CLDN2: variants seen among roughly 807,000 people sequenced by gnomAD.
CLDN2 encodes the protein claudin-2.
In CLDN2, 1 loss-of-function variant was observed where a neutral mutation model predicts 8.2. The ratio of observed to expected loss-of-function variants is 0.12; its 90% CI spans 0.04 to 0.58. The LOEUF is 0.58. CLDN2 is among the 20% of genes least tolerant of loss of function. CLDN2 has a pLI of 0.90. For missense variants in CLDN2, 108 were observed against 172.9 expected, an observed-to-expected ratio of 0.62 and a Z score of 2.11; for synonymous variants, 70 against 70.2, an observed-to-expected ratio of 1.00 and a Z score of 0.01.
chrX:106,916,637 T>C (rs1569287854), upstream of CLDN2, among the ~76,000 whole-genome samples: 1 of 111,384 alleles, frequency 9.0e-6, no homozygotes, highest in Non-Finnish European at 1.9e-5. Context: ...TCTGATACAA[T>C]GAGGGTCAGA....
At chrX:106,917,016 A>G (rs1237843511), upstream of CLDN2, among the ~76,000 whole-genome samples, 2 of 112,320 alleles carry the variant, frequency 1.8e-5, no homozygotes, top group East Asian at 5.6e-4. Flanking sequence ...TGCCACTTGC[A>G]TTCCAGTCCA....
intron 1 of CLDN2, chrX:106,900,944 G>A: frequency 1.7e-6 from 2 of 1,194,237 alleles, no homozygotes; most frequent in South Asian, 3.8e-5. Context: ...CCTAACAGGT[G>A]TCATATGTGC....
chrX:106,906,256 G>A (rs1344577104), intron 1 of CLDN2, among the ~76,000 whole-genome samples: 1 of 111,494 alleles, frequency 9.0e-6, no homozygotes, highest in Non-Finnish European at 1.9e-5. Context: ...GCCAGTGATT[G>A]CTTTTCCAGA....
chrX:106,928,582 G>C lies in CLDN2; in HGVS notation c.354G>C (p.Ala118=). The part of the protein sequence containing the change: ...CQESRAKDRV[A]VAGGVFFILG... The stretch of plus-strand genomic sequence containing the variant: ...AATCCCGAGCCAAAGACAGAGTGGC[G>C]GTAGCAGGTGGAGTCTTTTTCATCC... The change falls in exon 2 of 2, where the codon GCG becomes GCC. Residue 118 remains alanine, a synonymous_variant. Transcript: ENST00000336803. The C allele has an allele frequency of 8.3e-7, 1 of 1,211,311 alleles. No individual in the cohort carries two copies. The highest frequency in any genetic ancestry group is 3.0e-5 in the East Asian group (1 of 33,831).
intron 1 of CLDN2, among the ~76,000 whole-genome samples, chrX:106,912,498 C>T (rs1317412681): frequency 9.7e-6 from 1 of 102,676 alleles, no homozygotes; most frequent in East Asian, 3.1e-4. Flanking sequence ...ACTGCAGCCT[C>T]GATCTCTCAG....
At chrX:106,925,793 A>T (rs2147794584) in intron 1 of CLDN2, among the ~76,000 whole-genome samples, 1 of 112,288 alleles carries the variant, frequency 8.9e-6, no homozygotes, top group South Asian at 3.7e-4. Context: ...GATCACTTGC[A>T]GTCAGGAGTT....
At chrX:106,926,145 G>A (rs1933462612) in intron 1 of CLDN2, among the ~76,000 whole-genome samples, 1 of 112,253 alleles carries the variant, frequency 8.9e-6, no homozygotes, top group Non-Finnish European at 1.9e-5. Flanking sequence ...TAGAAGAAAG[G>A]TGCTAAAGAT....
upstream of CLDN2, among the ~76,000 whole-genome samples, chrX:106,916,406 G>A (rs1457040627): frequency 2.7e-5 from 3 of 111,059 alleles, no homozygotes; most frequent in Admixed American, 2.9e-4. Flanking sequence ...TCGGGAGAGT[G>A]GGGAGTGAGG....
At chrX:106,911,465 C>T (rs192665941) in intron 1 of CLDN2, among the ~76,000 whole-genome samples, 65 of 111,218 alleles carry the variant, frequency 5.8e-4, no homozygotes, top group Non-Finnish European at 8.5e-4. Flanking sequence ...TACAGTGTCC[C>T]TGCACATGAC....
At chrX:106,919,824 G>A (rs1426850012), upstream of CLDN2, among the ~76,000 whole-genome samples, 1 of 112,575 alleles carries the variant, frequency 8.9e-6, no homozygotes, top group Non-Finnish European at 1.9e-5. Flanking sequence ...ATAGTGCATG[G>A]CACTGCCATG....
intron 1 of CLDN2, chrX:106,901,633 C>T (rs1326500711): frequency 1.1e-6 from 1 of 892,091 alleles, no homozygotes; most frequent in Non-Finnish European, 1.6e-6. Context: ...GTAAAATGAT[C>T]TTGAAGAGAC....
At chrX:106,900,646 C>T (rs1476347873) in intron 1 of CLDN2, 2 of 1,076,896 alleles carry the variant, frequency 1.9e-6, no homozygotes, top group East Asian at 3.4e-5. Flanking sequence ...TGGCTGCCTC[C>T]ATTTGGATAG....
intron 1 of CLDN2, among the ~76,000 whole-genome samples, chrX:106,910,132 C>T (rs1481840083): frequency 1.8e-5 from 2 of 110,493 alleles, no homozygotes; most frequent in Non-Finnish European, 3.8e-5. Flanking sequence ...GAAGATGAAG[C>T]GATGCTGAAT....
intron 1 of CLDN2, among the ~76,000 whole-genome samples, chrX:106,908,589 G>GT (rs981798112): frequency 3.1e-4 from 24 of 76,922 alleles, no homozygotes; most frequent in East Asian, 3.1e-3. Flanking sequence ...TTTTGTTGTT[G>GT]TTTTTTTTGT....
intron 1 of CLDN2, chrX:106,900,694 A>G: frequency 8.6e-7 from 1 of 1,160,558 alleles, no homozygotes; most frequent in Non-Finnish European, 1.2e-6. Context: ...GTGGCGCTGT[A>G]GGGTATGGAC....
upstream of CLDN2, among the ~76,000 whole-genome samples, chrX:106,916,185 T>G (rs938426209): frequency 9.1e-6 from 1 of 109,316 alleles, no homozygotes; most frequent in Admixed American, 9.9e-5. Flanking sequence ...TTTGGGAGCA[T>G]AGAGGAGGAA....
Position 106,928,158 on chromosome X carries a change from T to G in CLDN2, c.-71T>G. 1.2e-6 allele frequency: 1 copy of G among 822,574 alleles called. No individual in the cohort carries two copies. Among genetic ancestry groups the G allele is most frequent in the Non-Finnish European group, 1.8e-6 (1 of 565,571 alleles). The allele number at this position is 822,574 out of a possible 1,213,427, so 67.8% of individuals were successfully genotyped here. On this transcript the variant is annotated 5_prime_UTR_variant, in exon 2 of 2. Coordinates refer to ENST00000336803, the MANE Select transcript of CLDN2 (RefSeq NM_020384.4). Reference sequence around the variant, plus strand: ...CTCTGAAATGAGGGATTAGAGGTGTTCAAGGAGCAAGAGCTTCAGCCTGAA... The same window carrying G: ...CTCTGAAATGAGGGATTAGAGGTGTGCAAGGAGCAAGAGCTTCAGCCTGAA...
chrX:106,927,952 T>G, intron 1 of CLDN2, 99 bp from the exon 2 acceptor site: 1 of 272,407 alleles, frequency 3.7e-6, no homozygotes, highest in Non-Finnish European at 6.4e-6. Flanking sequence ...TTCTCATGTG[T>G]TATTTCTAAA....
At chrX:106,921,468 C>T (rs1933390916) in intron 1 of CLDN2, among the ~76,000 whole-genome samples, 1 of 111,530 alleles carries the variant, frequency 9.0e-6, no homozygotes, top group African/African-American at 3.3e-5. Flanking sequence ...GCAGTGAGAT[C>T]AAGGGATATA....
Sources: allele counts gnomAD v4.1 joint callset (sites outside exome capture counted in the v4.1 genomes callset), GRCh38; gene constraint gnomAD v4.1.1; transcripts MANE v1.5; gene names NCBI Gene and HGNC (gene_info 2026-07-23, HGNC 2026-07-21).